Variants in CACNG2 observed in about 807,000 individuals in gnomAD.
CACNG2 encodes voltage-dependent calcium channel gamma-2 subunit.
Under a neutral mutation model 25.9 loss-of-function variants are expected in CACNG2, and 3 were observed. The ratio of observed to expected loss-of-function variants is 0.12; its 90% CI spans 0.05 to 0.30. The LOEUF is 0.30. Among genes scored for constraint, CACNG2 ranks in the 10% least tolerant of loss-of-function variants. CACNG2 has a pLI of 1.00. For missense variants in CACNG2, 341 were observed against 432.5 expected (o/e 0.79, Z 1.88); for synonymous variants, 167 against 173.3 (o/e 0.96, Z 0.29).
At chr22:36,600,640 G>A (rs866231308) in intron 1 of CACNG2, among the ~76,000 whole-genome samples, 5 of 151,244 alleles carry the variant, frequency 3.3e-5, no homozygotes, top group South Asian at 4.2e-4. Flanking sequence ...TCTGCCTCCC[G>A]AGTTCAAGCG....
chr22:36,600,034 C>T (rs1935730588), intron 1 of CACNG2, among the ~76,000 whole-genome samples: 2 of 152,166 alleles, frequency 1.3e-5, no homozygotes. Context: ...ATGGGATGTG[C>T]CCTTCTCAGT....
intron 1 of CACNG2, among the ~76,000 whole-genome samples, chr22:36,659,330 C>T (rs975675619): frequency 3.3e-5 from 5 of 152,094 alleles, no homozygotes; most frequent in Admixed American, 3.3e-4. Context: ...GGGGAGAGGG[C>T]TGTCCCCCAT....
Position 36,685,171 on chromosome 22 carries a change from A to T in CACNG2, c.211+17195T>A, listed in dbSNP as rs561638532. ...CCTGGGCAGCGTTTCTGGGGGCGGC[A>T]GGGGGTGTCTCTCCCAGCCTGGGGG... On this transcript the variant is annotated intron_variant, in intron 1 of 3. Transcript: ENST00000300105. 2.6e-5 allele frequency among the ~76,000 whole-genome samples: 4 copies of T among 152,166 alleles called. No homozygotes were observed. The South Asian group carries it at 8.3e-4, about 32-fold the overall frequency.
Position 36,561,788 on chromosome 22 carries a change from C to G in CACNG2, c.*2563G>C, listed in dbSNP as rs747065537. 6.6e-6 allele frequency: 1 copy of G among 152,302 alleles called. No individual in the cohort carries two copies. The highest frequency in any genetic ancestry group is 1.5e-5 in the Non-Finnish European group (1 of 68,116). 9.4% of individuals were successfully genotyped at this position (152,302 alleles called of 1,614,324 possible). On this transcript the variant is annotated 3_prime_UTR_variant, in exon 4 of 4. Transcript: ENST00000300105. ...TTGGATTTCTGTCAGTCTGAACTGGCCCTTGTCACTCTGGGGAAGAAAGGG... is the reference window on the plus strand; with the variant it reads ...TTGGATTTCTGTCAGTCTGAACTGGGCCTTGTCACTCTGGGGAAGAAAGGG...
At chr22:36,671,069 C>T (rs931730795) in intron 1 of CACNG2, among the ~76,000 whole-genome samples, 5 of 152,054 alleles carry the variant, frequency 3.3e-5, no homozygotes, top group Admixed American at 2.6e-4. Context: ...CAGGCATGCA[C>T]CACCACACCC....
chr22:36,674,892 G>A (rs1937001338), intron 1 of CACNG2, among the ~76,000 whole-genome samples: 1 of 152,210 alleles, frequency 6.6e-6, no homozygotes, highest in Non-Finnish European at 1.5e-5. Context: ...TTTCTCATCT[G>A]TAAAGTAAGT....
At chr22:36,618,845 G>A (rs1039334248) in intron 1 of CACNG2, among the ~76,000 whole-genome samples, 3 of 152,132 alleles carry the variant, frequency 2.0e-5, no homozygotes, top group Non-Finnish European at 4.4e-5. Flanking sequence ...ACTTGAACCT[G>A]GGAGTCGGAG....
At chr22:36,684,085 C>T (rs1458803041) in intron 1 of CACNG2, among the ~76,000 whole-genome samples, 1 of 152,194 alleles carries the variant, frequency 6.6e-6, no homozygotes, top group Non-Finnish European at 1.5e-5. Flanking sequence ...CCCGTCTCTC[C>T]ATGTCTTTCA....
At chr22:36,675,022 A>G (rs1431842501) in intron 1 of CACNG2, among the ~76,000 whole-genome samples, 1 of 152,194 alleles carries the variant, frequency 6.6e-6, no homozygotes, top group Non-Finnish European at 1.5e-5. Context: ...CTCATTATTC[A>G]TAGGGTTAGT....
chr22:36,575,715 C>A (rs1935301848), intron 2 of CACNG2, among the ~76,000 whole-genome samples: 1 of 152,218 alleles, frequency 6.6e-6, no homozygotes, highest in South Asian at 2.1e-4. Flanking sequence ...CCATCAAGAC[C>A]TCTCCCCAGG....
At chr22:36,565,093 G>C (rs948171552) in intron 3 of CACNG2, among the ~76,000 whole-genome samples, 1 of 152,216 alleles carries the variant, frequency 6.6e-6, no homozygotes, top group Non-Finnish European at 1.5e-5. Context: ...AGAGCCACAA[G>C]GGAAGCGCTA....
chr22:36,616,613 T>C (rs1027907424), intron 1 of CACNG2, among the ~76,000 whole-genome samples: 5 of 152,110 alleles, frequency 3.3e-5, no homozygotes, highest in African/African-American at 7.2e-5. Flanking sequence ...AATTGATTTT[T>C]TTTTTTCTGT....
At chr22:36,650,637 A>G (rs1338656711) in intron 1 of CACNG2, among the ~76,000 whole-genome samples, 2 of 152,146 alleles carry the variant, frequency 1.3e-5, no homozygotes, top group Non-Finnish European at 2.9e-5. Context: ...CTGGCCTCCC[A>G]AAGTGCTAGG....
chr22:36,581,645 T>C (rs1338264224), intron 2 of CACNG2, among the ~76,000 whole-genome samples: 1 of 152,216 alleles, frequency 6.6e-6, no homozygotes, highest in African/African-American at 2.4e-5. Flanking sequence ...CCCCCTTTCC[T>C]GGAGTGTCCT....
At chr22:36,643,461 CATCTATCTGTCTGTCT>C (rs1936472178) in intron 1 of CACNG2, among the ~76,000 whole-genome samples, 1 of 125,430 alleles carries the variant, frequency 8.0e-6, no homozygotes, top group Non-Finnish European at 1.8e-5. Flanking sequence ...TAATGATCTA[CATCTATCTGTCTGTCT>C]ATCTATCTAT....
chr22:36,568,724 G>A (rs1603500286), intron 2 of CACNG2, among the ~76,000 whole-genome samples: 1 of 152,292 alleles, frequency 6.6e-6, no homozygotes, highest in East Asian at 1.9e-4. Flanking sequence ...AGATGTGTGT[G>A]ATGTGAAAAC....
chr22:36,622,667 G>A (rs1006876734), intron 1 of CACNG2, among the ~76,000 whole-genome samples: 1 of 152,110 alleles, frequency 6.6e-6, no homozygotes, highest in Non-Finnish European at 1.5e-5. Flanking sequence ...CACTTAAAAC[G>A]TAAGACAAGG....
At chr22:36,605,354 C>A (rs545997227) in intron 1 of CACNG2, among the ~76,000 whole-genome samples, 3 of 152,046 alleles carry the variant, frequency 2.0e-5, no homozygotes, top group Non-Finnish European at 4.4e-5. Flanking sequence ...GGATTAAAGG[C>A]ATGAGCCACC....
At chr22:36,682,277 C>T (rs1937134756) in intron 1 of CACNG2, among the ~76,000 whole-genome samples, 1 of 152,226 alleles carries the variant, frequency 6.6e-6, no homozygotes, top group South Asian at 2.1e-4. Flanking sequence ...CTGTGGGACT[C>T]TGGCAAATCG....
Sources: allele counts gnomAD v4.1 joint callset (sites outside exome capture counted in the v4.1 genomes callset), GRCh38; gene constraint gnomAD v4.1.1; transcripts MANE v1.5; gene names NCBI Gene and HGNC (gene_info 2026-07-23, HGNC 2026-07-21).